Variants in MTA3 observed in about 807,000 individuals in gnomAD.
MTA3 encodes the protein metastasis associated 1 family member 3.
A neutral mutation model predicts 83.5 loss-of-function variants in MTA3; 34 were observed. That is an observed-to-expected ratio of 0.41 (90% CI 0.31 to 0.54). The LOEUF is 0.54. MTA3 is among the 20% of genes least tolerant of loss of function. MTA3 has a pLI of 0.33. For missense variants in MTA3, 761 were observed against 726.4 expected, an observed-to-expected ratio of 1.05 and a Z score of -0.55; for synonymous variants, 303 against 252.7, an observed-to-expected ratio of 1.20 and a Z score of -1.89.
intron 2 of MTA3, among the ~76,000 whole-genome samples, chr2:42,498,239 C>T (rs907365154): frequency 3.5e-4 from 54 of 152,304 alleles, no homozygotes; most frequent in African/African-American, 1.3e-3. Flanking sequence ...CTTTTAAAGA[C>T]AGCTTTTCGA....
chr2:42,579,218 G>A lies in MTA3; in HGVS notation c.190+18G>A, dbSNP rs368832434. The A allele has an allele frequency of 1.3e-6, 2 of 1,537,230 alleles. No homozygotes were observed. Among genetic ancestry groups the A allele is most frequent in the Non-Finnish European group, 1.8e-6 (2 of 1,141,028 alleles). On this transcript the variant is annotated intron_variant, in intron 3 of 16. Transcript: ENST00000405094. ...GCATGCTAGTAAGTTGTTTTTCTCT[G>A]ATTAAAAAAACGTTTTAAGTCTTGT...
chr2:42,625,695 C>T (rs1008209049), intron 4 of MTA3, among the ~76,000 whole-genome samples: 2 of 144,698 alleles, frequency 1.4e-5, no homozygotes, highest in East Asian at 2.1e-4. Context: ...TGCAGTGAAC[C>T]GAGATCACGC....
At chr2:42,544,869 A>G (rs900840444) in intron 2 of MTA3, among the ~76,000 whole-genome samples, 1 of 152,198 alleles carries the variant, frequency 6.6e-6, no homozygotes, top group African/African-American at 2.4e-5. Context: ...ATTAATGCTT[A>G]ATTTTAACTA....
intron 4 of MTA3, among the ~76,000 whole-genome samples, chr2:42,639,063 C>CTTT (rs563252870): frequency 1.4e-5 from 2 of 138,742 alleles, no homozygotes; most frequent in South Asian, 2.3e-4. Flanking sequence ...TTCTTTCTTT[C>CTTT]TTTTTTTTTT....
intron 8 of MTA3, among the ~76,000 whole-genome samples, chr2:42,667,617 GAGAA>G (rs1362015337): frequency 0.14 from 8,741 of 63,958 alleles, 360 homozygotes; most frequent in Admixed American, 0.21. Context: ...TGTATAGAGA[GAGAA>G]AGAGAGAGAG....
intron 16 of MTA3, among the ~76,000 whole-genome samples, chr2:42,725,776 C>A (rs745399090): frequency 1.3e-5 from 2 of 152,222 alleles, no homozygotes; most frequent in African/African-American, 2.4e-5. Flanking sequence ...CCTCCCTGCT[C>A]CAGCACTGCA....
intron 2 of MTA3, among the ~76,000 whole-genome samples, chr2:42,575,527 A>G (rs1007361944): frequency 2.0e-5 from 3 of 152,204 alleles, no homozygotes; most frequent in Non-Finnish European, 4.4e-5. Context: ...TCTACCAGCC[A>G]GGTACTTTTA....
chr2:42,556,906 AGG>A (rs1677418565), intron 2 of MTA3, among the ~76,000 whole-genome samples: 1 of 152,132 alleles, frequency 6.6e-6, no homozygotes, highest in Non-Finnish European at 1.5e-5. Context: ...GCAGAGGACA[AGG>A]GCACCCGATT....
At chr2:42,708,352 C>T (rs1034955682) in intron 13 of MTA3, among the ~76,000 whole-genome samples, 1 of 152,194 alleles carries the variant, frequency 6.6e-6, no homozygotes, top group African/African-American at 2.4e-5. Flanking sequence ...GTAACCTTTA[C>T]ATTCTGTTGA....
Position 42,753,733 on chromosome 2 carries a change from G to C in MTA3, c.*334G>C, listed in dbSNP as rs1670052327. The C allele has an allele frequency of 2.6e-6, 3 of 1,164,580 alleles. No homozygotes were observed. The highest frequency in any genetic ancestry group is 3.2e-6 in the Non-Finnish European group (3 of 937,126). The allele number at this position is 1,164,580 out of a possible 1,614,324, so 72.1% of individuals were successfully genotyped here. ...CCCCACCCAGCAACAGCGGCCACTTGGCAGTGGGGCTGCTGCAAGCTCAGA... is the reference window on the plus strand; with the variant it reads ...CCCCACCCAGCAACAGCGGCCACTTCGCAGTGGGGCTGCTGCAAGCTCAGA... On this transcript the variant is annotated 3_prime_UTR_variant, in exon 17 of 17. Transcript: ENST00000405094.
chr2:42,647,465 G>A (rs906847253), intron 6 of MTA3, among the ~76,000 whole-genome samples: 3 of 151,880 alleles, frequency 2.0e-5, no homozygotes, highest in African/African-American at 4.8e-5. Flanking sequence ...GACTTCAAGC[G>A]ATCTGTCCAC....
At chr2:42,687,121 T>C (rs1383303420) in intron 9 of MTA3, among the ~76,000 whole-genome samples, 1 of 152,144 alleles carries the variant, frequency 6.6e-6, no homozygotes. Context: ...AATGAGACTC[T>C]GTCTCCACAA....
intron 16 of MTA3, among the ~76,000 whole-genome samples, chr2:42,735,858 G>A (rs1668571169): frequency 1.3e-5 from 2 of 152,030 alleles, no homozygotes; most frequent in South Asian, 2.1e-4. Context: ...ATTGAATTCT[G>A]TTGTGCTTCC....
intron 3 of MTA3, among the ~76,000 whole-genome samples, chr2:42,585,103 T>C (rs900229923): frequency 4.6e-5 from 7 of 151,850 alleles, no homozygotes; most frequent in African/African-American, 1.7e-4. Flanking sequence ...ATAATAATTT[T>C]TTGAGACAGA....
At chr2:42,538,616 G>A (rs1338069991) in intron 2 of MTA3, among the ~76,000 whole-genome samples, 1 of 150,878 alleles carries the variant, frequency 6.6e-6, no homozygotes, top group Non-Finnish European at 1.5e-5. Flanking sequence ...GCTGATGCAG[G>A]AGACTCACTT....
chr2:42,636,689 C>G (rs1232698716), intron 4 of MTA3, among the ~76,000 whole-genome samples: 1 of 139,384 alleles, frequency 7.2e-6, no homozygotes. Context: ...TGCAGTGGTG[C>G]GATCTCGGCT....
At chr2:42,708,198 AGGTGT>A in intron 13 of MTA3, 144 bp downstream of exon 13, 1 of 823,448 alleles carries the variant, frequency 1.2e-6, no homozygotes, top group Admixed American at 3.6e-5. Context: ...TATTCAGGGT[AGGTGT>A]GGAGAGAAGC....
chr2:42,574,101 G>T (rs1193686507), intron 2 of MTA3, among the ~76,000 whole-genome samples: 1 of 150,116 alleles, frequency 6.7e-6, no homozygotes, highest in Non-Finnish European at 1.5e-5. Flanking sequence ...CTCCCAAAGT[G>T]CTAGGATTAC....
At chr2:42,630,074 C>CA (rs1686525834) in intron 4 of MTA3, among the ~76,000 whole-genome samples, 1 of 151,972 alleles carries the variant, frequency 6.6e-6, no homozygotes, top group African/African-American at 2.4e-5. Context: ...ACACACCCGG[C>CA]AAAAAACAAT....
Sources: allele counts gnomAD v4.1 joint callset (sites outside exome capture counted in the v4.1 genomes callset), GRCh38; gene constraint gnomAD v4.1.1; transcripts MANE v1.5; gene names NCBI Gene and HGNC (gene_info 2026-07-23, HGNC 2026-07-21).